Variants in TLL2 observed in about 807,000 individuals in gnomAD.
TLL2 encodes tolloid like 2.
A neutral mutation model predicts 123.0 loss-of-function variants in TLL2; 106 were observed. The ratio of observed to expected loss-of-function variants is 0.86; its 90% CI spans 0.74 to 1.01. The LOEUF (loss-of-function observed/expected upper bound fraction) is 1.01. Among genes scored for constraint, TLL2 ranks in the 50% least tolerant of loss-of-function variants. TLL2 has a pLI of 0.00. For synonymous variants in TLL2, 494 were observed against 516.8 expected, an observed-to-expected ratio of 0.96 and a Z score of 0.60; for missense variants, 1,332 against 1,336.7, an observed-to-expected ratio of 1.00 and a Z score of 0.06.
At chr10:96,449,124 T>C (rs17389665) in intron 2 of TLL2, among the ~76,000 whole-genome samples, 17,947 of 152,238 alleles carry the variant, frequency 0.12, 1,157 homozygotes, top group Non-Finnish European at 0.15. Flanking sequence ...CAGTTTTATA[T>C]GTGCAGTCTC....
chr10:96,368,825 C>A (rs886447034), intron 20 of TLL2, among the ~76,000 whole-genome samples: 1 of 152,182 alleles, frequency 6.6e-6, no homozygotes, highest in Non-Finnish European at 1.5e-5. Context: ...CTGTTGCCTG[C>A]GAGGTTCTAG....
At chr10:96,506,808 T>C (rs1323602594) in intron 1 of TLL2, among the ~76,000 whole-genome samples, 4 of 151,856 alleles carry the variant, frequency 2.6e-5, no homozygotes, top group Admixed American at 6.6e-5. Flanking sequence ...ACTACACTAC[T>C]GGGCGGGAGA....
In TLL2 at chr10:96,386,083, A is replaced by G; in HGVS notation, c.1985T>C (p.Phe662Ser). The G allele has an allele frequency of 6.2e-7, 1 of 1,608,188 alleles. No individual in the cohort carries two copies. The highest frequency in any genetic ancestry group is 2.2e-5 in the East Asian group (1 of 44,538). Residue 662 changes from phenylalanine (F) to serine (S), a missense_variant, in exon 15 of 21, where the codon TTT becomes TCT. Phe to Ser is a radical substitution (Grantham distance 155, BLOSUM62 -2). Coordinates refer to ENST00000357947, the MANE Select transcript of TLL2 (RefSeq NM_012465.4). Reference protein sequence around the residue: ...APAQYRISLQFEVFELEGNDV... With the variant: ...APAQYRISLQSEVFELEGNDV... ...ATTGCCTTCCAGTTCAAACACTTCA[A>G]ACTGAAGGGAGATCCGGTACTGAGC...
At chr10:96,415,757 C>CTG (rs1554934662) in intron 7 of TLL2, among the ~76,000 whole-genome samples, 3 of 102,460 alleles carry the variant, frequency 2.9e-5, no homozygotes, top group South Asian at 3.7e-4. Context: ...CTCTCTCTCT[C>CTG]TCTCTCTCTG....
At chr10:96,457,130 T>C (rs527896094) in intron 2 of TLL2, among the ~76,000 whole-genome samples, 2 of 152,338 alleles carry the variant, frequency 1.3e-5, no homozygotes, top group South Asian at 4.1e-4. Context: ...TCTGGCACAT[T>C]GTAGGGACCC....
At chr10:96,447,457 G>A (rs766926221) in intron 2 of TLL2, among the ~76,000 whole-genome samples, 10 of 152,192 alleles carry the variant, frequency 6.6e-5, no homozygotes, top group Non-Finnish European at 1.2e-4. Flanking sequence ...GGGTGGTGGT[G>A]TGGACCAGAC....
intron 2 of TLL2, among the ~76,000 whole-genome samples, chr10:96,471,242 C>A (rs758561629): frequency 6.6e-6 from 1 of 152,120 alleles, no homozygotes; most frequent in African/African-American, 2.4e-5. Flanking sequence ...TGACCTCAAG[C>A]AATCCACCTG....
intron 14 of TLL2, among the ~76,000 whole-genome samples, chr10:96,386,607 A>G (rs1846236372): frequency 6.6e-6 from 1 of 152,242 alleles, no homozygotes; most frequent in South Asian, 2.1e-4. Flanking sequence ...AGGTAGAAAT[A>G]GGATGGATGA....
intron 2 of TLL2, among the ~76,000 whole-genome samples, chr10:96,460,878 G>A (rs575960306): frequency 6.6e-6 from 1 of 152,264 alleles, no homozygotes; most frequent in Admixed American, 6.5e-5. Context: ...ACCACAAGAA[G>A]ATACCATCTA....
chr10:96,469,573 C>T (rs1430172094), intron 2 of TLL2, among the ~76,000 whole-genome samples: 1 of 152,148 alleles, frequency 6.6e-6, no homozygotes, highest in Non-Finnish European at 1.5e-5. Context: ...TCACCTGGGG[C>T]CTTCCCCGTA....
intron 2 of TLL2, 21 bp from the exon 3 acceptor site, chr10:96,446,189 G>A (rs1846895809): frequency 6.2e-7 from 1 of 1,613,148 alleles, no homozygotes. Context: ...GGAGAAGAAA[G>A]AGGCATGAGG....
chr10:96,421,910 G>C (rs1275677902), intron 6 of TLL2, among the ~76,000 whole-genome samples: 2 of 152,110 alleles, frequency 1.3e-5, no homozygotes, highest in East Asian at 3.8e-4. Flanking sequence ...AAAAGAAAAT[G>C]AATCAGAGAG....
intron 6 of TLL2, among the ~76,000 whole-genome samples, chr10:96,421,364 T>A (rs1846619178): frequency 6.6e-6 from 1 of 151,872 alleles, no homozygotes; most frequent in African/African-American, 2.4e-5. Flanking sequence ...AAATAAAAAA[T>A]AAAAATAAAA....
At chr10:96,413,886 A>G (rs1846530691) in intron 7 of TLL2, among the ~76,000 whole-genome samples, 1 of 152,150 alleles carries the variant, frequency 6.6e-6, no homozygotes, top group Admixed American at 6.5e-5. Context: ...GCCCTGGACT[A>G]GAGATTTCTA....
At chr10:96,498,156 T>G (rs993893589) in intron 1 of TLL2, among the ~76,000 whole-genome samples, 4 of 152,164 alleles carry the variant, frequency 2.6e-5, no homozygotes, top group African/African-American at 9.7e-5. Flanking sequence ...AAGTTGCAAT[T>G]TAATTATGCA....
intron 18 of TLL2, 164 bp from the exon 19 acceptor site, chr10:96,373,973 A>G (rs1278121479): frequency 9.6e-6 from 6 of 626,154 alleles, no homozygotes; most frequent in African/African-American, 9.2e-5. Context: ...ACATCTGTAG[A>G]GAGGGTCTCA....
At chr10:96,512,113 A>G (rs933220631) in intron 1 of TLL2, among the ~76,000 whole-genome samples, 3 of 152,140 alleles carry the variant, frequency 2.0e-5, no homozygotes, top group Admixed American at 6.5e-5. Context: ...GATATTCTGC[A>G]GGAAACTTCC....
intron 1 of TLL2, among the ~76,000 whole-genome samples, chr10:96,505,981 C>T (rs761361517): frequency 6.6e-6 from 1 of 151,942 alleles, no homozygotes; most frequent in Non-Finnish European, 1.5e-5. Context: ...AGGCTGGGCG[C>T]GGTGGCTTGT....
In TLL2 at chr10:96,386,028, CCAAT is replaced by C. The variant is rs1488787704; in HGVS notation, c.2013+23_2013+26del. ...TCTGAGTCACCCCTCAATACAGTCC[CCAAT>C]CAATTAGAGCATGGAGACATACGTC... On this transcript the variant is annotated intron_variant, in intron 15 of 20. Coordinates refer to ENST00000357947, the MANE Select transcript of TLL2 (RefSeq NM_012465.4). 3 of 1,551,878 alleles carry C rather than the reference CCAAT, an allele frequency of 1.9e-6. No homozygotes were observed. In the African/African-American group the frequency reaches 4.1e-5, roughly 21 times the overall value.
Sources: allele counts gnomAD v4.1 joint callset (sites outside exome capture counted in the v4.1 genomes callset), GRCh38; gene constraint gnomAD v4.1.1; transcripts MANE v1.5; gene names NCBI Gene and HGNC (gene_info 2026-07-23, HGNC 2026-07-21).